The following KIF26B variants were observed in gnomAD, a reference collection of about 807,000 sequenced individuals.
The protein encoded by KIF26B is kinesin-like protein KIF26B.
Under a neutral mutation model 151.2 loss-of-function variants are expected in KIF26B, and 63 were observed. The ratio of observed to expected loss-of-function variants is 0.42; its 90% confidence interval spans 0.34 to 0.51. The LOEUF is 0.51. Among genes scored for constraint, KIF26B ranks in the 20% least tolerant of loss-of-function variants. The pLI is 0.07. For synonymous variants in KIF26B, 1,357 were observed against 1,262.1 expected (o/e 1.08, Z -1.59); for missense variants, 2,813 against 2,913.6 (o/e 0.97, Z 0.79).
At chr1:245,183,220 T>C (rs1467045443) in intron 2 of KIF26B, among the ~76,000 whole-genome samples, 1 of 152,250 alleles carries the variant, frequency 6.6e-6, no homozygotes, top group Non-Finnish European at 1.5e-5. Flanking sequence ...TCTTATCAGA[T>C]ATATGATTGG....
At chr1:245,370,841 T>C (rs1352821275) in intron 3 of KIF26B, 1 of 359,274 alleles carries the variant, frequency 2.8e-6, no homozygotes, top group Non-Finnish European at 5.5e-6. Context: ...GAATTTACTG[T>C]ACAAGTATTT....
intron 2 of KIF26B, among the ~76,000 whole-genome samples, chr1:245,360,075 G>A (rs540414702): frequency 6.6e-5 from 10 of 151,658 alleles, no homozygotes; most frequent in African/African-American, 1.9e-4. Context: ...GTTTCTCCAC[G>A]TTGGCCAGGA....
At chr1:245,200,165 G>A (rs189049212) in intron 2 of KIF26B, among the ~76,000 whole-genome samples, 102 of 152,280 alleles carry the variant, frequency 6.7e-4, no homozygotes, top group Non-Finnish European at 1.4e-3. Flanking sequence ...AGATAGGGGC[G>A]GTGATATTCC....
chr1:245,229,428 T>G (rs1669946680), intron 2 of KIF26B, among the ~76,000 whole-genome samples: 1 of 152,186 alleles, frequency 6.6e-6, no homozygotes. Flanking sequence ...AGAGGTACAT[T>G]GTAGTTCAAA....
intron 2 of KIF26B, among the ~76,000 whole-genome samples, chr1:245,196,102 T>C (rs906733630): frequency 1.3e-5 from 2 of 152,162 alleles, no homozygotes; most frequent in African/African-American, 4.8e-5. Flanking sequence ...GAGCCTTATA[T>C]ATTATGGTGA....
chr1:245,425,616 A>C (rs1429500431), intron 4 of KIF26B, among the ~76,000 whole-genome samples: 1 of 152,174 alleles, frequency 6.6e-6, no homozygotes, highest in African/African-American at 2.4e-5. Context: ...CGTGTTGGCC[A>C]AGATGGTCTC....
intron 4 of KIF26B, among the ~76,000 whole-genome samples, chr1:245,478,356 G>A (rs1220745789): frequency 6.6e-6 from 1 of 151,368 alleles, no homozygotes; most frequent in African/African-American, 2.4e-5. Context: ...CCGAGGAGTG[G>A]AAGGACTTGA....
chr1:245,675,618 T>C (rs2147944819), intron 10 of KIF26B, among the ~76,000 whole-genome samples: 1 of 152,298 alleles, frequency 6.6e-6, no homozygotes, highest in East Asian at 1.9e-4. Flanking sequence ...TGAGCTTGGA[T>C]GAACGAAGTA....
At chr1:245,458,420 C>T (rs2103056436) in intron 4 of KIF26B, among the ~76,000 whole-genome samples, 1 of 152,290 alleles carries the variant, frequency 6.6e-6, no homozygotes, top group East Asian at 1.9e-4. Flanking sequence ...TGTCCAAGGT[C>T]CGCCCGTCAG....
intron 2 of KIF26B, among the ~76,000 whole-genome samples, chr1:245,242,429 G>C (rs1288226502): frequency 6.6e-6 from 1 of 152,178 alleles, no homozygotes; most frequent in Non-Finnish European, 1.5e-5. Context: ...GTGTTAACTA[G>C]CCCATGTATG....
At chr1:245,443,759 T>C (rs1462223669) in intron 4 of KIF26B, among the ~76,000 whole-genome samples, 1 of 107,030 alleles carries the variant, frequency 9.3e-6, no homozygotes, top group Non-Finnish European at 2.0e-5. Context: ...AGAGGAGAGG[T>C]CATCTCCCTC....
intron 3 of KIF26B, among the ~76,000 whole-genome samples, chr1:245,380,037 G>C (rs935188469): frequency 1.3e-5 from 2 of 151,714 alleles, no homozygotes; most frequent in African/African-American, 4.8e-5. Context: ...TTCTAATTGA[G>C]ATTTTACTGT....
chr1:245,547,919 G>A (rs907574593), intron 5 of KIF26B, among the ~76,000 whole-genome samples: 1 of 152,180 alleles, frequency 6.6e-6, no homozygotes, highest in African/African-American at 2.4e-5. Flanking sequence ...GTCTGTTCTT[G>A]AGCTTTCAGA....
chr1:245,410,607 G>C (rs900908979), intron 3 of KIF26B, among the ~76,000 whole-genome samples: 2 of 152,108 alleles, frequency 1.3e-5, no homozygotes, highest in African/African-American at 2.4e-5. Flanking sequence ...GTGCCACCAT[G>C]CCTGCCTAAT....
At position 245,647,771 on chromosome 1, in the gene KIF26B, T is replaced by C. The variant is rs1180332599; in HGVS notation, c.2258+1491T>C. On this transcript the variant is annotated intron_variant, in intron 10 of 14. Coordinates refer to ENST00000407071, the MANE Select transcript of KIF26B (RefSeq NM_018012.4). ...ATGCCAGACCCCCCCACCAAATACATTGTGAGTTTATTTCCTACCAGGAGA... is the reference window on the plus strand; with the variant it reads ...ATGCCAGACCCCCCCACCAAATACACTGTGAGTTTATTTCCTACCAGGAGA... Among the ~76,000 whole-genome samples, 6 of 152,274 alleles carry C rather than the reference T, an allele frequency of 3.9e-5. No individual in the cohort carries two copies. The East Asian group carries it at 1.2e-3, about 29-fold the overall frequency.
chr1:245,615,029 C>T (rs1402556352), intron 9 of KIF26B: 1 of 138,894 alleles, frequency 7.2e-6, no homozygotes, highest in East Asian at 1.9e-4. Flanking sequence ...CCTTTAAAAT[C>T]GACAGCACAA....
chr1:245,439,653 A>G (rs1266524526), intron 4 of KIF26B, among the ~76,000 whole-genome samples: 1 of 152,224 alleles, frequency 6.6e-6, no homozygotes, highest in African/African-American at 2.4e-5. Flanking sequence ...AAACGGGAAG[A>G]AATGAGCAGA....
At position 245,355,729 on chromosome 1, in the gene KIF26B, CG is replaced by C. The variant is rs113866242; in HGVS notation, c.466-11101del. On this transcript the variant is annotated intron_variant, in intron 2 of 14. Coordinates refer to ENST00000407071, the MANE Select transcript of KIF26B (RefSeq NM_018012.4). ...ACCTTTAGTCTCTGGGCTATGTCTC[CG>C]GGGCTATTTATCATTGTCTTGAATT... Among the ~76,000 whole-genome samples, 1,360 of 152,218 alleles carry C rather than the reference CG, an allele frequency of 8.9e-3. 20 individuals are homozygous for C. Among genetic ancestry groups the C allele is most frequent in the African/African-American group, 0.031 (1,308 of 41,550 alleles).
intron 10 of KIF26B, among the ~76,000 whole-genome samples, chr1:245,656,365 G>A (rs1037436435): frequency 1.3e-5 from 2 of 152,182 alleles, no homozygotes; most frequent in African/African-American, 4.8e-5. Flanking sequence ...CTAAATGCCT[G>A]AGTCATTCAC....
Sources: gnomAD v4.1 joint callset for allele counts (sites outside exome capture counted in the v4.1 genomes callset) on GRCh38, gnomAD v4.1.1 for gene constraint, MANE v1.5 for transcripts, NCBI Gene and HGNC (gene_info 2026-07-23, HGNC 2026-07-21) for gene names.